PRKCG: variants seen among roughly 807,000 people sequenced by gnomAD.
The protein encoded by PRKCG is protein kinase C gamma, also known as protein kinase C gamma type.
A neutral mutation model predicts 82.0 loss-of-function variants in PRKCG; 28 were observed. That is an observed-to-expected ratio of 0.34 (90% CI 0.25 to 0.47). The LOEUF is 0.47. Ranked by LOEUF, PRKCG falls within the 20% of genes least tolerant of loss-of-function variation. The probability of loss-of-function intolerance (pLI) is 1.00; values close to 1 mark genes in which losing one functional copy is unlikely to be tolerated. For synonymous variants in PRKCG, 383 were observed against 376.6 expected (o/e 1.02, Z -0.20); for missense variants, 640 against 952.7 (o/e 0.67, Z 4.32).
chr19:53,906,079 C>CT (rs1568763971), intron 16 of PRKCG, among the ~76,000 whole-genome samples: 186 of 80,718 alleles, frequency 2.3e-3, no homozygotes, highest in Middle Eastern at 7.2e-3. Flanking sequence ...CCTCCTCCTC[C>CT]TCCTCCTTCT....
At chr19:53,895,054 T>C (rs971160876) in intron 9 of PRKCG, among the ~76,000 whole-genome samples, 2 of 152,112 alleles carry the variant, frequency 1.3e-5, no homozygotes, top group Non-Finnish European at 2.9e-5. Flanking sequence ...CATTTACCCT[T>C]TCAAAAAATA....
chr19:53,904,225 ATC>A (rs1021546867), intron 15 of PRKCG, among the ~76,000 whole-genome samples: 1 of 151,764 alleles, frequency 6.6e-6, no homozygotes, highest in Non-Finnish European at 1.5e-5. Flanking sequence ...ATGAAACCCC[ATC>A]TCTAAATCTT....
chr19:53,881,948 C>T (rs545197828), upstream of PRKCG: 223 of 186,566 alleles, frequency 1.2e-3, no homozygotes, highest in Non-Finnish European at 1.8e-3. Context: ...CCCCAGGGCG[C>T]CCACAGGACA....
In PRKCG at chr19:53,906,874, A is replaced by G; in HGVS notation, c.2073A>G (p.Pro691=). The G allele has an allele frequency of 7.4e-6, 12 of 1,613,278 alleles. No homozygotes were observed. Among genetic ancestry groups the G allele is most frequent in the Non-Finnish European group, 1.0e-5 (12 of 1,179,878 alleles). ...VHPDARSPTS[P]VPVPVM is the part of the protein sequence containing the mutation. ...CGGATGCCCGCAGCCCCACCAGCCCAGTGCCTGTGCCCGTCATGTAATCTC... is the reference window on the plus strand; with the variant it reads ...CGGATGCCCGCAGCCCCACCAGCCCGGTGCCTGTGCCCGTCATGTAATCTC... The change falls in exon 18 of 18, where the codon CCA becomes CCG. Residue 691 remains proline, a synonymous_variant. Coordinates refer to ENST00000263431, the MANE Select transcript of PRKCG (RefSeq NM_002739.5).
intron 16 of PRKCG, 37 bp downstream of exon 16, chr19:53,904,779 C>T: frequency 6.6e-7 from 1 of 1,504,156 alleles, no homozygotes; most frequent in South Asian, 1.1e-5. Context: ...TCCAGGCTCA[C>T]AACCACACAC....
chr19:53,889,577 C>T lies in PRKCG; in HGVS notation c.286-61C>T. On this transcript the variant is annotated intron_variant, in intron 3 of 17. Transcript: ENST00000263431. This position sits in a 1 kb window ranked among gnomAD's most constrained non-coding sequence, Gnocchi z 4.4. Reference sequence around the variant, plus strand: ...AGGCAGGAGGAAAAGATAAAAGGGCCCCTCCCCTGGGGTTTTAGGACCCTC... The same window carrying T: ...AGGCAGGAGGAAAAGATAAAAGGGCTCCTCCCCTGGGGTTTTAGGACCCTC... 1.6e-6 allele frequency: 2 copies of T among 1,276,032 alleles called. No homozygotes were observed. The highest frequency in any genetic ancestry group is 2.4e-5 in the South Asian group (2 of 82,830). 79.0% of individuals were successfully genotyped at this position (1,276,032 alleles called of 1,614,324 possible).
Position 53,900,530 on chromosome 19 carries a change from G to A in PRKCG, c.1436+49G>A, listed in dbSNP as rs1423611335. 1.2e-6 allele frequency: 2 copies of A among 1,614,046 alleles called. No individual in the cohort carries two copies. Among genetic ancestry groups the A allele is most frequent in the Admixed American group, 3.3e-5 (2 of 60,004 alleles). On this transcript the variant is annotated intron_variant, in intron 13 of 17. Coordinates refer to ENST00000263431, the MANE Select transcript of PRKCG (RefSeq NM_002739.5). This position sits in a 1 kb window ranked among gnomAD's most constrained non-coding sequence, Gnocchi z 4.2. ...TGGAGGAAATCACGCCCCTGGAAGG[G>A]AAGGGATTTGAATATGTGGCTCTAG... is the stretch of plus-strand genomic sequence containing the variant.
rs189397138 is a variant in PRKCG, at chr19:53,890,007, C to G, written c.519C>G (p.Ile173Met). 5 of 1,564,518 alleles carry G rather than the reference C, an allele frequency of 3.2e-6. No individual in the cohort carries two copies. In the African/African-American group the frequency reaches 4.1e-5, roughly 13 times the overall value. ...TCCGGGCTCCCACAGCAGATGAGAT[C>G]CACGTAACTGGTGAGGCCCCGCCCC... is the stretch of plus-strand genomic sequence containing the variant. Reference protein sequence around the residue: ...LEIRAPTADEIHVTVGEARNL... With the variant: ...LEIRAPTADEMHVTVGEARNL... Residue 173 changes from isoleucine (I) to methionine (M), a missense_variant, in exon 5 of 18, where the codon ATC becomes ATG. This residue lies in a region of PRKCG where 261 missense variants were observed against 312.1 expected (regional missense o/e 0.84). Transcript: ENST00000263431.
intron 16 of PRKCG, among the ~76,000 whole-genome samples, chr19:53,905,317 A>G (rs2068793554): frequency 6.6e-6 from 1 of 150,746 alleles, no homozygotes; most frequent in African/African-American, 2.4e-5. Context: ...ATCTCTGTCT[A>G]CACTTTTGGG....
intron 10 of PRKCG, among the ~76,000 whole-genome samples, 162 bp downstream of exon 10, chr19:53,898,273 T>C (rs921547089): frequency 1.3e-5 from 2 of 152,054 alleles, no homozygotes; most frequent in African/African-American, 2.4e-5. Flanking sequence ...GGTTTACAGA[T>C]GTGGACACTC....
chr19:53,882,186 C>G (rs924995451), upstream of PRKCG: 2 of 400,598 alleles, frequency 5.0e-6, no homozygotes, highest in Non-Finnish European at 9.1e-6. The surrounding 1 kb of genome is among the most constrained non-coding windows in gnomAD (Gnocchi z 6.1). Context: ...CTCCCCCAAC[C>G]CGGGGCTCCC....
chr19:53,882,342 C>A lies in PRKCG; in HGVS notation c.-153C>A, dbSNP rs1189819095. On this transcript the variant is annotated 5_prime_UTR_variant, in exon 1 of 18. Coordinates refer to ENST00000263431, the MANE Select transcript of PRKCG (RefSeq NM_002739.5). The surrounding 1 kb of genome is among the most constrained non-coding windows in gnomAD (Gnocchi z 6.1). ...GCCCGGGGTGCCGCTCCCTGCCTGG[C>A]GCGCTCCGCACCTGGAGGTGCCTTG... The A allele has an allele frequency of 8.6e-7, 1 of 1,160,556 alleles. No homozygotes were observed. Among genetic ancestry groups the A allele is most frequent in the Non-Finnish European group, 1.2e-6 (1 of 819,254 alleles). The allele number at this position is 1,160,556 out of a possible 1,614,324, so 71.9% of individuals were successfully genotyped here. A position where few individuals can be genotyped will look rare whatever the true frequency, so the allele number is the denominator to read the frequency against.
Position 53,900,716 on chromosome 19 carries a change from C to G in PRKCG, c.1542C>G (p.Thr514=), listed in dbSNP as rs772206542. 6.2e-7 allele frequency: 1 copy of G among 1,614,232 alleles called. No homozygotes were observed. Among genetic ancestry groups the G allele is most frequent in the South Asian group, 1.1e-5 (1 of 91,086 alleles). Reference sequence around the variant, plus strand: ...TCTTCCCCGGGACGACAACCCGCACCTTCTGCGGGACCCCGGACTACATAG... The same window carrying G: ...TCTTCCCCGGGACGACAACCCGCACGTTCTGCGGGACCCCGGACTACATAG... The part of the protein sequence containing the change: ...ENVFPGTTTR[T]FCGTPDYIAP... The change falls in exon 14 of 18, where the codon ACC becomes ACG. Residue 514 remains threonine (T), a synonymous_variant. Coordinates refer to ENST00000263431, the MANE Select transcript of PRKCG (RefSeq NM_002739.5). The surrounding 1 kb of genome is among the most constrained non-coding windows in gnomAD (Gnocchi z 4.2).
In PRKCG at chr19:53,891,751, G is replaced by A. The variant is rs1357532887; in HGVS notation, c.607G>A (p.Asp203Asn). ...DPYVKLKLIPDPRNLTKQKTR... is the reference protein window; with the variant it reads ...DPYVKLKLIPNPRNLTKQKTR... ...CTATGTGAAACTGAAGCTCATCCCA[G>A]ACCCTCGGAACCTGACGAAACAGAA... is the stretch of plus-strand genomic sequence containing the variant. Residue 203 changes from aspartate (D) to asparagine (N), a missense_variant, in exon 6 of 18, where the codon GAC becomes AAC. Asp to Asn is a conservative substitution (Grantham distance 23). Around this residue, in one of 7 missense-constraint regions of PRKCG, gnomAD observed 261 missense variants for 312.1 expected, o/e 0.84. Coordinates refer to ENST00000263431, the MANE Select transcript of PRKCG (RefSeq NM_002739.5). 5 of 1,614,010 alleles carry A rather than the reference G, an allele frequency of 3.1e-6. No individual in the cohort carries two copies. Among genetic ancestry groups the A allele is most frequent in the Non-Finnish European group, 8.5e-7 (1 of 1,180,050 alleles).
At position 53,900,262 on chromosome 19, in the gene PRKCG, C is replaced by G; in HGVS notation, c.1311C>G (p.Val437=). The G allele has an allele frequency of 6.2e-7, 1 of 1,614,138 alleles. No individual in the cohort carries two copies. Among genetic ancestry groups the G allele is most frequent in the Non-Finnish European group, 8.5e-7 (1 of 1,180,018 alleles). The part of the protein sequence containing the change: ...PDRLYFVMEY[V]TGGDLMYHIQ... Reference sequence around the variant, plus strand: ...GCCTGTATTTCGTGATGGAGTACGTCACCGGGGGAGACTTGATGTACCACA... The same window carrying G: ...GCCTGTATTTCGTGATGGAGTACGTGACCGGGGGAGACTTGATGTACCACA... Residue 437 remains valine (V), a synonymous_variant, in exon 12 of 18, where the codon GTC becomes GTG. Transcript: ENST00000263431. This position sits in a 1 kb window ranked among gnomAD's most constrained non-coding sequence, Gnocchi z 4.2.
intron 16 of PRKCG, among the ~76,000 whole-genome samples, chr19:53,906,066 C>CTTCTTCTT: frequency 1.7e-5 from 1 of 57,252 alleles, no homozygotes; most frequent in Non-Finnish European, 2.9e-5. Flanking sequence ...TCCTCCTCCT[C>CTTCTTCTT]CTCCTCCTCC....
chr19:53,898,581 G>A lies in PRKCG; in HGVS notation c.1234G>A (p.Gly412Ser). ...VLALGGRGPG[G>S]RPHFLTQLHS... ...GGCGCTGGGGGGCCGGGGTCCTGGC[G>A]GCCGGCCCCACTTCCTCACCCAGCT... Residue 412 changes from glycine to serine, a missense_variant, in exon 11 of 18, where the codon GGC becomes AGC. Physicochemically the swap from Gly to Ser is moderately conservative, Grantham distance 56 (BLOSUM62 0). This residue lies in a region of PRKCG where 78 missense variants were observed against 105.6 expected (regional missense o/e 0.74). Coordinates refer to ENST00000263431, the MANE Select transcript of PRKCG (RefSeq NM_002739.5). 1 of 1,607,392 alleles carries A rather than the reference G, an allele frequency of 6.2e-7. No individual in the cohort carries two copies. The highest frequency in any genetic ancestry group is 8.5e-7 in the Non-Finnish European group (1 of 1,177,706).
Position 53,882,571 on chromosome 19 carries a change from G to A in PRKCG, c.77G>A (p.Arg26Lys), listed in dbSNP as rs763526841. Residue 26 changes from arginine to lysine, a missense_variant, in exon 1 of 18, where the codon AGG (arginine) becomes AAG (lysine). Physicochemically the swap from Arg to Lys is conservative, Grantham distance 26. This residue lies in a region of PRKCG where 50 missense variants were observed against 146.5 expected (regional missense o/e 0.34). Coordinates refer to ENST00000263431, the MANE Select transcript of PRKCG (RefSeq NM_002739.5). The surrounding 1 kb of genome is among the most constrained non-coding windows in gnomAD (Gnocchi z 6.1). ...CTGTTTTGCAGAAAGGGGGCCCTGA[G>A]GCAGAAGGTGGTCCACGAAGTCAAG... ...RPLFCRKGAL[R>K]QKVVHEVKSH... is the part of the protein sequence containing the mutation. The A allele has an allele frequency of 5.6e-5, 91 of 1,613,954 alleles. No homozygotes were observed. The highest frequency in any genetic ancestry group is 7.4e-5 in the Non-Finnish European group (87 of 1,179,992).
At chr19:53,896,019 C>T (rs1186125811) in intron 9 of PRKCG, among the ~76,000 whole-genome samples, 1 of 150,886 alleles carries the variant, frequency 6.6e-6, no homozygotes, top group African/African-American at 2.4e-5. Context: ...GAGATCGTGC[C>T]ACTGCACTAC....
Sources: gnomAD v4.1 joint callset for allele counts (sites outside exome capture counted in the v4.1 genomes callset) on GRCh38, gnomAD v4.1.1 for gene constraint, gnomAD v4.1.1 regional missense constraint, Gnocchi (gnomAD v3.1) non-coding constraint, MANE v1.5 for transcripts, NCBI Gene and HGNC (gene_info 2026-07-23, HGNC 2026-07-21) for gene names.